KANK4: variants seen among roughly 807,000 people sequenced by gnomAD.
The protein encoded by KANK4 is KN motif and ankyrin repeat domain-containing protein 4.
KANK4 carries 50 observed loss-of-function variants against 80.8 expected under a neutral mutation model. That is an observed-to-expected ratio of 0.62 (90% CI 0.49 to 0.78). The LOEUF is 0.78. KANK4 is among the 30% of genes least tolerant of loss of function. The pLI, the probability that KANK4 is intolerant of heterozygous loss-of-function variation, is 0.00. For synonymous variants in KANK4, 465 were observed against 506.9 expected (o/e 0.92, Z 1.11); for missense variants, 1,196 against 1,240.1 (o/e 0.96, Z 0.53).
At chr1:62,309,094 G>T (rs1644476722) in intron 1 of KANK4, among the ~76,000 whole-genome samples, 1 of 152,244 alleles carries the variant, frequency 6.6e-6, no homozygotes, top group African/African-American at 2.4e-5. Flanking sequence ...AAAGATGTGT[G>T]TATGTCTCAC....
At chr1:62,267,203 G>A (rs374266643) in intron 5 of KANK4, among the ~76,000 whole-genome samples, 2 of 151,804 alleles carry the variant, frequency 1.3e-5, no homozygotes, top group African/African-American at 4.8e-5. Flanking sequence ...CTGGGTGACT[G>A]GAAAAAAAAA....
At chr1:62,244,748 G>T (rs1040574613) in intron 9 of KANK4, among the ~76,000 whole-genome samples, 1 of 152,110 alleles carries the variant, frequency 6.6e-6, no homozygotes, top group African/African-American at 2.4e-5. Flanking sequence ...AATACAGGGG[G>T]TCTCACTTTG....
chr1:62,273,046 C>T (rs1672202604), intron 3 of KANK4, among the ~76,000 whole-genome samples, 158 bp downstream of exon 3: 1 of 152,188 alleles, frequency 6.6e-6, no homozygotes, highest in South Asian at 2.1e-4. Context: ...CCACCTCCGC[C>T]TCCCAAAGTG....
rs776812606 is a variant in KANK4 at position 62,281,536 on chromosome 1, G to A, written c.16+13C>T. Reference sequence around the variant, plus strand: ...CTTATCTTAAACCAGGCCCTACAAAGCAGCTTGCCTACCATCTGTCTTCTC... The same window carrying A: ...CTTATCTTAAACCAGGCCCTACAAAACAGCTTGCCTACCATCTGTCTTCTC... On this transcript the variant is annotated intron_variant, in intron 2 of 9. Coordinates refer to ENST00000371153, the MANE Select transcript of KANK4 (RefSeq NM_181712.5). 1 of 1,614,104 alleles carries A rather than the reference G, an allele frequency of 6.2e-7. No individual in the cohort carries two copies. Among genetic ancestry groups the A allele is most frequent in the East Asian group, 2.2e-5 (1 of 44,886 alleles).
chr1:62,279,759 A>G (rs997671391), intron 2 of KANK4, among the ~76,000 whole-genome samples: 2 of 152,212 alleles, frequency 1.3e-5, no homozygotes, highest in Admixed American at 6.5e-5. Flanking sequence ...TTCACTGAGC[A>G]TGTGCTGTCT....
chr1:62,286,132 C>T (rs1489872913), intron 1 of KANK4, among the ~76,000 whole-genome samples: 1 of 152,250 alleles, frequency 6.6e-6, no homozygotes, highest in East Asian at 1.9e-4. Flanking sequence ...GCCTGCATTG[C>T]AGCAGCTGAA....
At chr1:62,287,515 G>A (rs1672595758) in intron 1 of KANK4, among the ~76,000 whole-genome samples, 1 of 152,138 alleles carries the variant, frequency 6.6e-6, no homozygotes, top group Non-Finnish European at 1.5e-5. Flanking sequence ...TGCCTGCATC[G>A]AGCCTGGTAC....
intron 6 of KANK4, among the ~76,000 whole-genome samples, chr1:62,263,752 G>A (rs1231565359): frequency 1.3e-5 from 2 of 152,254 alleles, no homozygotes; most frequent in South Asian, 2.1e-4. Context: ...CTGGAAAATC[G>A]CAACATCTTA....
At chr1:62,245,520 C>T (rs1264917440) in intron 9 of KANK4, among the ~76,000 whole-genome samples, 1 of 152,122 alleles carries the variant, frequency 6.6e-6, no homozygotes, top group East Asian at 1.9e-4. Flanking sequence ...GTTTTTGTTC[C>T]CTTTGAATTG....
intron 9 of KANK4, among the ~76,000 whole-genome samples, chr1:62,242,860 C>G (rs1225373586): frequency 1.3e-5 from 2 of 152,162 alleles, no homozygotes; most frequent in Non-Finnish European, 2.9e-5. Context: ...TGTGAAGCAC[C>G]AGGTACAAGC....
chr1:62,308,080 G>T (rs923508876), intron 1 of KANK4, among the ~76,000 whole-genome samples: 1 of 152,104 alleles, frequency 6.6e-6, no homozygotes, highest in Non-Finnish European at 1.5e-5. Flanking sequence ...CTGGCAAGTG[G>T]CAGGTTGCAG....
rs142431806 is a variant in KANK4, at chr1:62,262,429, G to A, written c.2539+663C>T. ...AAGCATTTCCTTGACAGAAAGAAAT[G>A]TGGTATAAGAATTGCCCTTCAAGTC... On this transcript the variant is annotated intron_variant, in intron 7 of 9. Coordinates refer to ENST00000371153, the MANE Select transcript of KANK4 (RefSeq NM_181712.5). Among the ~76,000 whole-genome samples, 268 of 152,292 alleles carry A rather than the reference G, an allele frequency of 1.8e-3. 2 individuals are homozygous for A. Among genetic ancestry groups the A allele is most frequent in the South Asian group, 0.012 (57 of 4,826 alleles).
intron 7 of KANK4, among the ~76,000 whole-genome samples, chr1:62,262,782 T>C (rs935155147): frequency 1.3e-5 from 2 of 152,100 alleles, no homozygotes; most frequent in Non-Finnish European, 2.9e-5. Context: ...AAATACTGCA[T>C]GTTCTCATTT....
chr1:62,275,344 A>C (rs1371283803), intron 2 of KANK4, among the ~76,000 whole-genome samples: 2 of 152,182 alleles, frequency 1.3e-5, no homozygotes, highest in Admixed American at 1.3e-4. Context: ...GCAGTATGTC[A>C]TCTGGGTTTC....
At chr1:62,253,978 C>G (rs981620257) in intron 7 of KANK4, among the ~76,000 whole-genome samples, 1 of 152,160 alleles carries the variant, frequency 6.6e-6, no homozygotes, top group African/African-American at 2.4e-5. Flanking sequence ...GAATGCCACC[C>G]ACGGCTGTGC....
At chr1:62,308,296 T>C (rs928527401) in intron 1 of KANK4, among the ~76,000 whole-genome samples, 12 of 152,166 alleles carry the variant, frequency 7.9e-5, no homozygotes, top group Admixed American at 2.6e-4. Flanking sequence ...GGCGCCTGCA[T>C]GGAGAGGGGC....
chr1:62,266,114 A>G (rs1672011919), intron 6 of KANK4, among the ~76,000 whole-genome samples: 1 of 152,236 alleles, frequency 6.6e-6, no homozygotes, highest in Non-Finnish European at 1.5e-5. Flanking sequence ...CCTAAGCCAC[A>G]GAGTTTGATG....
intron 6 of KANK4, among the ~76,000 whole-genome samples, chr1:62,264,897 T>C (rs1047760820): frequency 6.6e-6 from 1 of 152,190 alleles, no homozygotes; most frequent in Non-Finnish European, 1.5e-5. Flanking sequence ...AGTTGTATGA[T>C]CTCAGCTTGC....
intron 1 of KANK4, among the ~76,000 whole-genome samples, chr1:62,311,848 T>C (rs1644500759): frequency 6.6e-6 from 1 of 152,220 alleles, no homozygotes; most frequent in Admixed American, 6.5e-5. Context: ...TTCTGCGCTT[T>C]TGCAAATTTG....
Sources: allele counts gnomAD v4.1 joint callset (sites outside exome capture counted in the v4.1 genomes callset), GRCh38; gene constraint gnomAD v4.1.1; transcripts MANE v1.5; gene names NCBI Gene and HGNC (gene_info 2026-07-23, HGNC 2026-07-21).